Variants in KLHDC1 observed in about 807,000 individuals in gnomAD.
The protein encoded by KLHDC1 is kelch domain-containing protein 1.
A neutral mutation model predicts 68.3 loss-of-function variants in KLHDC1; 53 were observed. The observed-to-expected ratio is 0.78, with a 90% CI of 0.62 to 0.98. The LOEUF (loss-of-function observed/expected upper bound fraction) is 0.98. Among genes scored for constraint, KLHDC1 ranks in the 50% least tolerant of loss-of-function variants. The probability of loss-of-function intolerance (pLI) is 0.00; values close to 1 mark genes in which losing one functional copy is unlikely to be tolerated. For missense variants in KLHDC1, 470 were observed against 492.3 expected (o/e 0.95, Z 0.43); for synonymous variants, 148 against 159.0 (o/e 0.93, Z 0.52).
At chr14:49,712,927 A>G (rs910116664) in intron 4 of KLHDC1, among the ~76,000 whole-genome samples, 1 of 149,432 alleles carries the variant, frequency 6.7e-6, no homozygotes, top group African/African-American at 2.5e-5. Flanking sequence ...GGCGTGAGCC[A>G]CCATGCCCGG....
intron 10 of KLHDC1, among the ~76,000 whole-genome samples, chr14:49,739,244 T>C (rs1046605068): frequency 6.6e-6 from 1 of 152,088 alleles, no homozygotes; most frequent in Admixed American, 6.6e-5. Context: ...GCTTTTCTCA[T>C]AGGGGAAGCA....
intron 4 of KLHDC1, among the ~76,000 whole-genome samples, chr14:49,722,494 T>A (rs1175205110): frequency 6.6e-6 from 1 of 152,238 alleles, no homozygotes; most frequent in Non-Finnish European, 1.5e-5. Context: ...ATGTGCCACA[T>A]TTTCTTAATT....
At chr14:49,730,410 C>T (rs1251079750) in intron 8 of KLHDC1, among the ~76,000 whole-genome samples, 7 of 151,728 alleles carry the variant, frequency 4.6e-5, no homozygotes, top group Admixed American at 6.6e-5. Flanking sequence ...TTAGTAGAGA[C>T]GAGATTTCAC....
chr14:49,709,713 A>G lies in KLHDC1; in HGVS notation c.172A>G (p.Met58Val), dbSNP rs754487927. The change falls in exon 3 of 13, where the codon ATG becomes GTG. Residue 58 changes from methionine to valine, a missense_variant. By Grantham distance (21) the Met-to-Val change is conservative. Coordinates refer to ENST00000359332, the MANE Select transcript of KLHDC1 (RefSeq NM_172193.3). ...TCCATGTTATTCTTGCTGCAGGAGA[A>G]TGCACCTCATGGAAGGAGAACTCCC... ...TYDIDSGLWR[M>V]HLMEGELPAS... 1 of 1,568,876 alleles carries G rather than the reference A, an allele frequency of 6.4e-7. No individual in the cohort carries two copies. Among genetic ancestry groups the G allele is most frequent in the South Asian group, 1.2e-5 (1 of 85,722 alleles).
intron 12 of KLHDC1, among the ~76,000 whole-genome samples, chr14:49,750,831 C>G (rs1006867636): frequency 2.6e-5 from 4 of 152,098 alleles, no homozygotes; most frequent in African/African-American, 9.7e-5. Flanking sequence ...AATGAACACC[C>G]ACGCCCCCAG....
At chr14:49,738,514 T>G (rs1888986117) in intron 10 of KLHDC1, among the ~76,000 whole-genome samples, 1 of 149,740 alleles carries the variant, frequency 6.7e-6, no homozygotes, top group Non-Finnish European at 1.5e-5. Flanking sequence ...GCTCGGCTAA[T>G]TTTTTTTTTA....
intron 4 of KLHDC1, among the ~76,000 whole-genome samples, chr14:49,717,316 A>T (rs566086344): frequency 6.6e-6 from 1 of 152,170 alleles, no homozygotes; most frequent in Admixed American, 6.6e-5. Flanking sequence ...ATACCATTTT[A>T]TATTCCCACC....
At chr14:49,732,981 T>A (rs1270792372) in intron 9 of KLHDC1, among the ~76,000 whole-genome samples, 165 bp downstream of exon 9, 1 of 152,208 alleles carries the variant, frequency 6.6e-6, no homozygotes, top group Non-Finnish European at 1.5e-5. Flanking sequence ...TTTTGTACCC[T>A]TGGCTCTCCA....
At chr14:49,723,750 C>T (rs1013710799) in intron 4 of KLHDC1, 124 bp from the exon 5 acceptor site, 1 of 600,472 alleles carries the variant, frequency 1.7e-6, no homozygotes, top group African/African-American at 1.9e-5. Flanking sequence ...TCCCTCAGCT[C>T]TTTATTCTTT....
chr14:49,695,612 T>C (rs1887717317), intron 1 of KLHDC1, among the ~76,000 whole-genome samples: 1 of 152,192 alleles, frequency 6.6e-6, no homozygotes, highest in African/African-American at 2.4e-5. Flanking sequence ...ATTTTCAGAA[T>C]GATAAATGAA....
At chr14:49,744,500 C>G (rs1889145681) in intron 12 of KLHDC1, among the ~76,000 whole-genome samples, 1 of 151,880 alleles carries the variant, frequency 6.6e-6, no homozygotes, top group South Asian at 2.1e-4. Flanking sequence ...TATAGTCATT[C>G]CTTGGTATTT....
At chr14:49,727,463 T>C (rs1387795893) in intron 6 of KLHDC1, among the ~76,000 whole-genome samples, 1 of 152,118 alleles carries the variant, frequency 6.6e-6, no homozygotes, top group Non-Finnish European at 1.5e-5. Flanking sequence ...GTTACATACA[T>C]GTCTACTAAT....
chr14:49,715,572 C>T, intron 4 of KLHDC1, among the ~76,000 whole-genome samples: 1 of 150,258 alleles, frequency 6.7e-6, no homozygotes, highest in East Asian at 2.0e-4. Flanking sequence ...CAGTGAAACC[C>T]CGTCTCTACT....
intron 10 of KLHDC1, among the ~76,000 whole-genome samples, chr14:49,737,828 G>A (rs1397939071): frequency 2.2e-5 from 3 of 138,386 alleles, no homozygotes; most frequent in Non-Finnish European, 4.5e-5. Flanking sequence ...TTGTGCCACT[G>A]CACTCCAGCC....
chr14:49,748,539 C>T (rs994931279), intron 12 of KLHDC1, among the ~76,000 whole-genome samples: 2 of 152,066 alleles, frequency 1.3e-5, no homozygotes, highest in Admixed American at 6.6e-5. Context: ...TAGGAAGTGG[C>T]TTATATCGTC....
intron 9 of KLHDC1, 94 bp from the exon 10 acceptor site, chr14:49,734,495 T>C (rs968522252): frequency 1.1e-5 from 7 of 649,464 alleles, no homozygotes; most frequent in South Asian, 2.6e-5. Context: ...TCAGAAAAGA[T>C]AGTCATTTAA....
At chr14:49,737,911 TCAAAG>T (rs1243298500) in intron 10 of KLHDC1, among the ~76,000 whole-genome samples, 1 of 149,286 alleles carries the variant, frequency 6.7e-6, no homozygotes, top group African/African-American at 2.5e-5. Flanking sequence ...ACTCTAAAAG[TCAAAG>T]CAATGACTAT....
chr14:49,723,353 T>G (rs1422689234), intron 4 of KLHDC1, among the ~76,000 whole-genome samples: 2 of 151,410 alleles, frequency 1.3e-5, no homozygotes, highest in East Asian at 3.9e-4. Flanking sequence ...GGCAATATGG[T>G]GAAACCCCAT....
chr14:49,697,820 A>G (rs990112375), intron 1 of KLHDC1, among the ~76,000 whole-genome samples: 4 of 152,196 alleles, frequency 2.6e-5, no homozygotes, highest in Admixed American at 6.5e-5. Context: ...TATTCTTACT[A>G]TATTCCTGTA....
Sources: allele counts gnomAD v4.1 joint callset (sites outside exome capture counted in the v4.1 genomes callset), GRCh38; gene constraint gnomAD v4.1.1; transcripts MANE v1.5; gene names NCBI Gene and HGNC (gene_info 2026-07-23, HGNC 2026-07-21).